Variants in PTPRD observed in about 807,000 individuals in gnomAD.
PTPRD encodes receptor-type tyrosine-protein phosphatase delta.
In PTPRD, 34 loss-of-function variants were observed where a neutral mutation model predicts 214.5. The ratio of observed to expected loss-of-function variants is 0.16; its 90% confidence interval spans 0.12 to 0.21. PTPRD has a LOEUF of 0.21. PTPRD is among the 10% of genes least tolerant of loss of function. PTPRD has a pLI of 1.00. For synonymous variants in PTPRD, 1,128 were observed against 845.7 expected (o/e 1.33, Z -5.79); for missense variants, 2,545 against 2,398.7 (o/e 1.06, Z -1.27).
At chr9:9,472,507 A>C (rs1249929716) in intron 8 of PTPRD, among the ~76,000 whole-genome samples, 1 of 151,914 alleles carries the variant, frequency 6.6e-6, no homozygotes, top group South Asian at 2.1e-4. Flanking sequence ...CCGGCCCCCT[A>C]CTCCAATCTT....
intron 5 of PTPRD, among the ~76,000 whole-genome samples, chr9:9,876,172 G>A (rs2066808757): frequency 6.6e-6 from 1 of 152,110 alleles, no homozygotes; most frequent in Admixed American, 6.6e-5. Context: ...CCAATGGTGA[G>A]TCAGGGAAGG....
intron 3 of PTPRD, among the ~76,000 whole-genome samples, chr9:10,246,948 A>T (rs1369710155): frequency 1.3e-5 from 2 of 151,878 alleles, no homozygotes; most frequent in East Asian, 3.9e-4. Flanking sequence ...TAAAACAAAT[A>T]AAATAAAATG....
chr9:9,070,920 T>C (rs566486708), intron 10 of PTPRD, among the ~76,000 whole-genome samples: 10 of 152,090 alleles, frequency 6.6e-5, no homozygotes, highest in Non-Finnish European at 1.3e-4. Flanking sequence ...ATGATTATTA[T>C]TGAGACAGGA....
intron 2 of PTPRD, among the ~76,000 whole-genome samples, chr9:10,575,173 C>A (rs1446179871): frequency 6.6e-6 from 1 of 151,844 alleles, no homozygotes; most frequent in Non-Finnish European, 1.5e-5. Context: ...CTGTAGACAT[C>A]AACAAAAATA....
intron 14 of PTPRD, among the ~76,000 whole-genome samples, chr9:8,554,734 T>C (rs2083209278): frequency 6.6e-6 from 1 of 152,210 alleles, no homozygotes; most frequent in African/African-American, 2.4e-5. Flanking sequence ...CCAACACGTT[T>C]GTTTATTTTG....
intron 14 of PTPRD, among the ~76,000 whole-genome samples, chr9:8,626,989 T>C (rs1354829763): frequency 1.3e-5 from 2 of 151,716 alleles, no homozygotes. Context: ...ACTCAGTGAT[T>C]TCCTCCCTAA....
At chr9:10,013,857 G>A (rs961803414) in intron 4 of PTPRD, among the ~76,000 whole-genome samples, 26 of 151,896 alleles carry the variant, frequency 1.7e-4, no homozygotes. Flanking sequence ...TTAATATGCA[G>A]AGTCATCTCA....
At chr9:10,151,876 T>C (rs1435281162) in intron 3 of PTPRD, among the ~76,000 whole-genome samples, 3 of 152,216 alleles carry the variant, frequency 2.0e-5, no homozygotes, top group African/African-American at 7.2e-5. Flanking sequence ...TTGAAATCTA[T>C]GTTGTGTGTA....
At chr9:9,539,241 C>CCCT (rs1319241181) in intron 8 of PTPRD, among the ~76,000 whole-genome samples, 1 of 151,790 alleles carries the variant, frequency 6.6e-6, no homozygotes, top group African/African-American at 2.4e-5. Flanking sequence ...ACTGAAGAAT[C>CCCT]AGTGGCAGGT....
At chr9:8,434,196 G>C (rs1451013085) in intron 35 of PTPRD, among the ~76,000 whole-genome samples, 1 of 152,166 alleles carries the variant, frequency 6.6e-6, no homozygotes, top group African/African-American at 2.4e-5. Context: ...TGACCAGGCT[G>C]ATCCCGAACT....
At chr9:8,445,941 A>G (rs1312837462) in intron 34 of PTPRD, among the ~76,000 whole-genome samples, 1 of 152,176 alleles carries the variant, frequency 6.6e-6, no homozygotes, top group Non-Finnish European at 1.5e-5. Flanking sequence ...GAGAAGATAC[A>G]GCAACTCCTT....
Position 8,322,960 on chromosome 9 carries a change from A to C in PTPRD, c.5535-2994T>G, listed in dbSNP as rs530008307. On this transcript the variant is annotated intron_variant, in intron 44 of 45. Transcript: ENST00000381196. ...CTCAAGAATTACACTAAATATACTCAAGTGAAAGGAAGAGTTATACATCTC... is the reference window on the plus strand; with the variant it reads ...CTCAAGAATTACACTAAATATACTCCAGTGAAAGGAAGAGTTATACATCTC... Among the ~76,000 whole-genome samples the C allele has an allele frequency of 3.9e-5, 6 of 152,256 alleles. No homozygotes were observed. The South Asian group carries it at 1.0e-3, about 26-fold the overall frequency.
intron 35 of PTPRD, among the ~76,000 whole-genome samples, chr9:8,432,590 G>A (rs1238440528): frequency 6.6e-6 from 1 of 152,182 alleles, no homozygotes. Flanking sequence ...AAATAATCAG[G>A]TGTTTGAAAG....
chr9:8,794,107 A>C (rs1027032574), intron 11 of PTPRD, among the ~76,000 whole-genome samples: 1 of 152,062 alleles, frequency 6.6e-6, no homozygotes, highest in Non-Finnish European at 1.5e-5. Context: ...AAATTCACCA[A>C]GGACAGCAGC....
At chr9:9,071,779 C>T (rs1210798536) in intron 10 of PTPRD, among the ~76,000 whole-genome samples, 1 of 152,156 alleles carries the variant, frequency 6.6e-6, no homozygotes, top group African/African-American at 2.4e-5. Context: ...GCTCTTGATT[C>T]ATAAAAACTG....
chr9:8,845,424 C>G (rs2097671199), intron 11 of PTPRD, among the ~76,000 whole-genome samples: 1 of 152,162 alleles, frequency 6.6e-6, no homozygotes, highest in Admixed American at 6.5e-5. Flanking sequence ...CTGGCTAGCT[C>G]TGGCGATATT....
intron 11 of PTPRD, among the ~76,000 whole-genome samples, chr9:8,992,000 T>A (rs2099371005): frequency 1.3e-5 from 2 of 152,116 alleles, no homozygotes; most frequent in South Asian, 4.1e-4. Context: ...GAAAGAATGT[T>A]CTGGAAAGAG....
intron 8 of PTPRD, among the ~76,000 whole-genome samples, chr9:9,551,469 C>G (rs980957881): frequency 7.3e-5 from 11 of 151,622 alleles, no homozygotes; most frequent in African/African-American, 2.4e-4. Context: ...ATACATAACA[C>G]ATTAGTGAAA....
At chr9:9,409,606 G>T (rs10977735) in intron 8 of PTPRD, among the ~76,000 whole-genome samples, 25,379 of 151,846 alleles carry the variant, frequency 0.17, 2,189 homozygotes, top group Non-Finnish European at 0.19. Context: ...ACTAAGATGA[G>T]CTCAATATAA....
Sources: gnomAD v4.1 joint callset for allele counts (sites outside exome capture counted in the v4.1 genomes callset) on GRCh38, gnomAD v4.1.1 for gene constraint, MANE v1.5 for transcripts, NCBI Gene and HGNC (gene_info 2026-07-23, HGNC 2026-07-21) for gene names.